The following LHFPL4 variants were observed in gnomAD, a reference collection of about 807,000 sequenced individuals.
LHFPL4 encodes the protein LHFPL tetraspan subfamily member 4, also known as LHFPL tetraspan subfamily member 4 protein.
A neutral mutation model predicts 20.0 loss-of-function variants in LHFPL4; 6 were observed. The observed-to-expected ratio is 0.30, with a 90% CI of 0.16 to 0.59. The LOEUF (loss-of-function observed/expected upper bound fraction) is 0.59. Ranked by LOEUF, LHFPL4 falls within the 20% of genes least tolerant of loss-of-function variation. The pLI, the probability that LHFPL4 is intolerant of heterozygous loss-of-function variation, is 0.88. For missense variants in LHFPL4, 215 were observed against 331.2 expected (o/e 0.65, Z 2.72); for synonymous variants, 129 against 143.8 (o/e 0.90, Z 0.74).
At chr3:9,528,885 G>C (rs1472180637) in intron 2 of LHFPL4, among the ~76,000 whole-genome samples, 1 of 151,054 alleles carries the variant, frequency 6.6e-6, no homozygotes, top group Admixed American at 6.6e-5. Context: ...AAAGTGCTGG[G>C]ATTACAGGCA....
intron 2 of LHFPL4, among the ~76,000 whole-genome samples, chr3:9,542,054 G>A (rs566015042): frequency 2.1e-4 from 32 of 152,224 alleles, no homozygotes; most frequent in African/African-American, 7.7e-4. Flanking sequence ...GGGAGGCCAA[G>A]GAGGGAGGAT....
chr3:9,549,653 T>C (rs746748100), intron 2 of LHFPL4, among the ~76,000 whole-genome samples: 10 of 152,162 alleles, frequency 6.6e-5, no homozygotes, highest in Non-Finnish European at 1.0e-4. Context: ...GCCAAGATCA[T>C]GCCATTGCAC....
intron 2 of LHFPL4, among the ~76,000 whole-genome samples, chr3:9,552,032 G>T (rs2046558268): frequency 6.6e-6 from 1 of 152,006 alleles, no homozygotes; most frequent in African/African-American, 2.4e-5. Flanking sequence ...AATAAATGCA[G>T]CGTACCCATA....
intron 2 of LHFPL4, among the ~76,000 whole-genome samples, chr3:9,517,529 C>T (rs1019558031): frequency 1.3e-5 from 2 of 150,652 alleles, no homozygotes; most frequent in African/African-American, 4.9e-5. Flanking sequence ...AGACAGAGAC[C>T]CTGTCTGTAC....
intron 2 of LHFPL4, among the ~76,000 whole-genome samples, chr3:9,538,411 C>T (rs1000231853): frequency 2.0e-5 from 3 of 152,222 alleles, no homozygotes; most frequent in Admixed American, 2.0e-4. Flanking sequence ...ACTTTTCAAC[C>T]CTTTCTCCCT....
intron 2 of LHFPL4, among the ~76,000 whole-genome samples, chr3:9,524,227 T>G (rs2633790): frequency 0.53 from 79,702 of 151,100 alleles, 21,469 homozygotes; most frequent in African/African-American, 0.65. Context: ...TGTTTGCTTT[T>G]TTTTTTTGGC....
chr3:9,512,949 G>A (rs950006175), intron 2 of LHFPL4, among the ~76,000 whole-genome samples: 1 of 139,882 alleles, frequency 7.1e-6, no homozygotes, highest in Non-Finnish European at 1.7e-5. Context: ...ACATTTTTTT[G>A]TTTGTTTGTT....
chr3:9,519,235 A>AGCCTCC (rs2046323129), intron 2 of LHFPL4, among the ~76,000 whole-genome samples: 1 of 151,410 alleles, frequency 6.6e-6, no homozygotes, highest in African/African-American at 2.4e-5. Context: ...CACCGCACCC[A>AGCCTCC]ACCTAATTTT....
At chr3:9,503,040 A>G (rs1182369358) in intron 3 of LHFPL4, among the ~76,000 whole-genome samples, 1 of 152,072 alleles carries the variant, frequency 6.6e-6, no homozygotes, top group Non-Finnish European at 1.5e-5. Flanking sequence ...GGGTTTTGTT[A>G]CATCGCCCAG....
chr3:9,528,897 A>G lies in LHFPL4; in HGVS notation c.407-22694T>C, dbSNP rs571806366. On this transcript the variant is annotated intron_variant, in intron 2 of 3. Coordinates refer to ENST00000287585, the MANE Select transcript of LHFPL4 (RefSeq NM_198560.3). ...CCCAAAGTGCTGGGATTACAGGCAT[A>G]AGCCACTGCACCCAGCCCCCCAACT... is the stretch of plus-strand genomic sequence containing the variant. Among the ~76,000 whole-genome samples the G allele has an allele frequency of 2.0e-5, 3 of 148,538 alleles. No homozygotes were observed. In the South Asian group the frequency reaches 6.4e-4, roughly 32 times the overall value.
intron 2 of LHFPL4, among the ~76,000 whole-genome samples, chr3:9,523,074 A>G (rs1466961476): frequency 2.1e-4 from 4 of 18,910 alleles, no homozygotes; most frequent in African/African-American, 7.5e-4. Flanking sequence ...AAAGAAAGAA[A>G]AGGAAGAAAG....
rs148648792 is a variant in LHFPL4, at chr3:9,548,142, A to G, written c.406+4132T>C. 4.9e-3 allele frequency among the ~76,000 whole-genome samples: 739 copies of G among 152,258 alleles called. 2 individuals carry two copies. Among genetic ancestry groups the G allele is most frequent in the Non-Finnish European group, 7.5e-3 (512 of 68,000 alleles). Reference sequence around the variant, plus strand: ...TTAGAGTCAGACATATGGAGTTACAATTCGGGCTCCACCACTTACCAACTG... The same window carrying G: ...TTAGAGTCAGACATATGGAGTTACAGTTCGGGCTCCACCACTTACCAACTG... On this transcript the variant is annotated intron_variant, in intron 2 of 3. Coordinates refer to ENST00000287585, the MANE Select transcript of LHFPL4 (RefSeq NM_198560.3).
intron 2 of LHFPL4, among the ~76,000 whole-genome samples, chr3:9,542,958 T>C (rs1574854554): frequency 1.3e-5 from 2 of 152,178 alleles, no homozygotes; most frequent in South Asian, 4.1e-4. Context: ...ATAGCTAAAG[T>C]GCATGAGGTT....
intron 2 of LHFPL4, among the ~76,000 whole-genome samples, chr3:9,533,024 C>T (rs376841190): frequency 3.3e-5 from 5 of 152,328 alleles, no homozygotes; most frequent in South Asian, 4.1e-4. Flanking sequence ...GCCCACCCCA[C>T]GCCACATGTC....
In LHFPL4 at chr3:9,552,529, C is replaced by G. The variant is rs373908621; in HGVS notation, c.151G>C (p.Val51Leu). The G allele has an allele frequency of 6.2e-7, 1 of 1,613,924 alleles. No homozygotes were observed. The highest frequency in any genetic ancestry group is 2.2e-5 in the East Asian group (1 of 44,864). ...FIQPYWVGDS[V>L]STPKPGYFGL... ...AAGTAGCCAGGCTTGGGGGTGCTCA[C>G]GCTGTCGCCCACCCAGTAGGGCTGG... Residue 51 changes from valine to leucine, a missense_variant, in exon 2 of 4, where the codon GTG (valine) becomes CTG (leucine). By Grantham distance (32) the Val-to-Leu change is conservative. Coordinates refer to ENST00000287585, the MANE Select transcript of LHFPL4 (RefSeq NM_198560.3).
chr3:9,504,592 A>G (rs1317178864), intron 3 of LHFPL4, among the ~76,000 whole-genome samples: 3 of 152,058 alleles, frequency 2.0e-5, no homozygotes, highest in Non-Finnish European at 4.4e-5. Flanking sequence ...TTGGGAGGCC[A>G]AGGCAGGCGG....
chr3:9,527,809 AACACACACAC>A (rs58489008), intron 2 of LHFPL4, among the ~76,000 whole-genome samples: 1,553 of 143,272 alleles, frequency 0.011, 22 homozygotes, highest in African/African-American at 0.029. Context: ...TTCAAATACA[AACACACACAC>A]ACACACACAC....
rs1364372823 is a variant in LHFPL4, at chr3:9,552,416, C to G, written c.264G>C (p.Pro88=). The G allele has an allele frequency of 1.2e-6, 2 of 1,613,830 alleles. No homozygotes were observed. The highest frequency in any genetic ancestry group is 2.2e-5 in the South Asian group (2 of 91,078). Residue 88 remains proline (P), a synonymous_variant, in exon 2 of 4, where the codon CCG becomes CCC. Coordinates refer to ENST00000287585, the MANE Select transcript of LHFPL4 (RefSeq NM_198560.3). ...AGGCGGCCGCCTTGAAGGCGCTGGA[C>G]GGGATGGTGCTGAAGTCGGTGAAGG... is the stretch of plus-strand genomic sequence containing the variant. ...RGSFTDFSTI[P]SSAFKAAAFF... is the part of the protein sequence containing the mutation.
chr3:9,541,094 GCAC>G (rs1156846758), intron 2 of LHFPL4, among the ~76,000 whole-genome samples: 2 of 151,802 alleles, frequency 1.3e-5, no homozygotes, highest in Admixed American at 6.6e-5. Flanking sequence ...GTGTGTGCCA[GCAC>G]ACCCAGCTAA....
Sources: gnomAD v4.1 joint callset for allele counts (sites outside exome capture counted in the v4.1 genomes callset) on GRCh38, gnomAD v4.1.1 for gene constraint, MANE v1.5 for transcripts, NCBI Gene and HGNC (gene_info 2026-07-23, HGNC 2026-07-21) for gene names.